The following TNK2 variants were observed in gnomAD, a reference collection of about 807,000 sequenced individuals.
TNK2 encodes the protein activated CDC42 kinase 1.
In TNK2, 83 loss-of-function variants were observed where a neutral mutation model predicts 101.8. The observed-to-expected ratio is 0.82, with a 90% CI of 0.68 to 0.98. The LOEUF (loss-of-function observed/expected upper bound fraction) is 0.98. TNK2 is among the 50% of genes least tolerant of loss of function. The probability of loss-of-function intolerance (pLI) is 0.00; values close to 1 mark genes in which losing one functional copy is unlikely to be tolerated. For synonymous variants in TNK2, 804 were observed against 633.0 expected (o/e 1.27, Z -4.06); for missense variants, 1,665 against 1,483.2 (o/e 1.12, Z -2.01).
intron 2 of TNK2, among the ~76,000 whole-genome samples, chr3:195,887,940 GTGCGTGTGTGCC>G (rs1756762738): frequency 8.2e-6 from 1 of 121,540 alleles, no homozygotes; most frequent in Admixed American, 7.9e-5. Context: ...GTGTGCGCAT[GTGCGTGTGTGCC>G]TGCGTGTGTG....
chr3:195,882,002 A>G lies in TNK2; in HGVS notation c.887+49T>C. ...GGTCCAGAAAGCCCCAGAAGCTTTG[A>G]GGCCTGGGTCTGCAGGGACTCTGTG... On this transcript the variant is annotated intron_variant, in intron 6 of 15. Coordinates refer to ENST00000672887, the MANE Select transcript of TNK2 (RefSeq NM_001382273.1). The surrounding 1 kb of genome is among the most constrained non-coding windows in gnomAD (Gnocchi z 4.2). 4 of 1,568,992 alleles carry G rather than the reference A, an allele frequency of 2.5e-6. No homozygotes were observed. Among genetic ancestry groups the G allele is most frequent in the South Asian group, 2.4e-5 (2 of 84,114 alleles).
intron 2 of TNK2, among the ~76,000 whole-genome samples, chr3:195,887,763 A>G (rs751311276): frequency 2.0e-4 from 28 of 143,494 alleles, no homozygotes; most frequent in Non-Finnish European, 3.3e-4. Flanking sequence ...GCGTGTGCGC[A>G]CGTGTGTGCG....
intron 1 of TNK2, chr3:195,895,517 G>A (rs951032802): frequency 1.4e-5 from 19 of 1,351,604 alleles, no homozygotes; most frequent in Middle Eastern, 2.7e-4. Flanking sequence ...GCCGGCCTGC[G>A]GCCATTCCCT....
chr3:195,866,490 C>T (rs1172085237), intron 15 of TNK2, among the ~76,000 whole-genome samples: 2 of 152,164 alleles, frequency 1.3e-5, no homozygotes, highest in Admixed American at 6.5e-5. Context: ...CCATGAGCCA[C>T]GGTGCCCAGC....
intron 9 of TNK2, among the ~76,000 whole-genome samples, chr3:195,874,532 A>G (rs865867518): frequency 0.011 from 990 of 89,066 alleles, 3 homozygotes; most frequent in Middle Eastern, 0.062. Context: ...GGCACAAGAA[A>G]CTCCCCCTCG....
In TNK2 at chr3:195,885,420, G is replaced by C. The variant is rs779930178; in HGVS notation, c.235-387C>G. On this transcript the variant is annotated intron_variant, in intron 3 of 15. Transcript: ENST00000672887. This position sits in a 1 kb window ranked among gnomAD's most constrained non-coding sequence, Gnocchi z 4.7. ...GCAGACTCCAGCCCTAACCCGCATC[G>C]ATGGAGCCGCAGGGGCCCTCCACAG... 9.4e-5 allele frequency: 125 copies of C among 1,331,188 alleles called. No individual in the cohort carries two copies. The highest frequency in any genetic ancestry group is 1.3e-4 in the Admixed American group (6 of 44,588). 82.5% of individuals were successfully genotyped at this position (1,331,188 alleles called of 1,614,324 possible).
chr3:195,895,979 G>A (rs1760394759), intron 1 of TNK2: 1 of 323,308 alleles, frequency 3.1e-6, no homozygotes, highest in Non-Finnish European at 5.9e-6. Flanking sequence ...CCCCCGCCCC[G>A]AGGCCCCCGC....
chr3:195,876,322 G>A (rs1241693596), intron 9 of TNK2: 5 of 433,104 alleles, frequency 1.2e-5, no homozygotes, highest in East Asian at 7.0e-5. Flanking sequence ...CCCAGACTCC[G>A]CACCAGGAAA....
chr3:195,887,263 C>T (rs1011694343), intron 2 of TNK2, among the ~76,000 whole-genome samples: 4 of 152,214 alleles, frequency 2.6e-5, no homozygotes, highest in Non-Finnish European at 4.4e-5. Context: ...AGGTGTTTAA[C>T]CAAAAACTTG....
intron 10 of TNK2, among the ~76,000 whole-genome samples, chr3:195,871,913 G>A (rs1400368394): frequency 6.6e-6 from 1 of 151,372 alleles, no homozygotes; most frequent in Non-Finnish European, 1.5e-5. Context: ...GCTCCCCGGA[G>A]AACCCTCCCC....
chr3:195,901,173 G>T (rs1761166130), intron 1 of TNK2, among the ~76,000 whole-genome samples: 1 of 152,204 alleles, frequency 6.6e-6, no homozygotes, highest in African/African-American at 2.4e-5. Context: ...ACTGGACCCT[G>T]CTCACCATCT....
In TNK2 at chr3:195,869,626, A is replaced by G. The variant is rs573128095; in HGVS notation, c.1544-85T>C. 3 of 1,302,586 alleles carry G rather than the reference A, an allele frequency of 2.3e-6. No individual in the cohort carries two copies. In the African/African-American group the frequency reaches 4.8e-5, roughly 21 times the overall value. The allele number at this position is 1,302,586 out of a possible 1,614,324, so 80.7% of individuals were successfully genotyped here. ...GGGAGACGGCCGGACGAGAGGGCAG[A>G]GTGTAGAGAGACGAAGGGAGAGAAG... is the stretch of plus-strand genomic sequence containing the variant. On this transcript the variant is annotated intron_variant, in intron 11 of 15. Coordinates refer to ENST00000672887, the MANE Select transcript of TNK2 (RefSeq NM_001382273.1).
rs750659509 is a variant in TNK2, at chr3:195,887,053, G to C, written c.164-6C>G. Reference sequence around the variant, plus strand: ...CTCCCACAGCCGCCGCTGGCCTGCAGGGAGAGCGGGGAACCGCGTGCTGTG... The same window carrying C: ...CTCCCACAGCCGCCGCTGGCCTGCACGGAGAGCGGGGAACCGCGTGCTGTG... On this transcript the variant is annotated splice_region_variant and splice_polypyrimidine_tract_variant and intron_variant, in intron 2 of 15. Coordinates refer to ENST00000672887, the MANE Select transcript of TNK2 (RefSeq NM_001382273.1). The C allele has an allele frequency of 6.2e-7, 1 of 1,613,646 alleles. No individual in the cohort carries two copies. The highest frequency in any genetic ancestry group is 1.7e-5 in the Admixed American group (1 of 59,966).
intron 1 of TNK2, among the ~76,000 whole-genome samples, chr3:195,893,828 G>T (rs1405253379): frequency 6.6e-6 from 1 of 152,180 alleles, no homozygotes; most frequent in African/African-American, 2.4e-5. Flanking sequence ...CAGCTGGGGA[G>T]CAGGGCTTTG....
chr3:195,885,008 G>C lies in TNK2; in HGVS notation c.260C>G (p.Ala87Gly). Residue 87 changes from alanine (A) to glycine (G), a missense_variant, in exon 4 of 16, where the codon GCT becomes GGT. By Grantham distance (60) the Ala-to-Gly change is moderately conservative. Coordinates refer to ENST00000672887, the MANE Select transcript of TNK2 (RefSeq NM_001382273.1). The surrounding 1 kb of genome is among the most constrained non-coding windows in gnomAD (Gnocchi z 4.7). ...CTGAGAGTGATGAGGTGGGAACTCA[G>C]CCTCCAGTCGCTTTCCACTGAACAC... is the stretch of plus-strand genomic sequence containing the variant. ...SKVFSGKRLE[A>G]EFPPHHSQST... 1 of 1,605,516 alleles carries C rather than the reference G, an allele frequency of 6.2e-7. No homozygotes were observed. Among genetic ancestry groups the C allele is most frequent in the Non-Finnish European group, 8.5e-7 (1 of 1,174,654 alleles).
At chr3:195,867,057 C>A in intron 14 of TNK2, 41 bp from the exon 15 acceptor site, 1 of 1,611,180 alleles carries the variant, frequency 6.2e-7, no homozygotes, top group Non-Finnish European at 8.5e-7. Flanking sequence ...GGGCCCAGGG[C>A]ACCGACTAGG....
At chr3:195,906,587 G>A (rs1368941382) in intron 1 of TNK2, among the ~76,000 whole-genome samples, 2 of 152,038 alleles carry the variant, frequency 1.3e-5, no homozygotes, top group Non-Finnish European at 2.9e-5. Context: ...GTAGGGGATG[G>A]CAGAGGAGCG....
chr3:195,896,026 C>T (rs1306138038), intron 1 of TNK2: 4 of 413,906 alleles, frequency 9.7e-6, no homozygotes, highest in South Asian at 4.9e-5. Context: ...CAACGCCGCA[C>T]GCGCTGTGCG....
intron 1 of TNK2, among the ~76,000 whole-genome samples, chr3:195,906,132 G>T (rs1398590130): frequency 6.6e-6 from 1 of 152,170 alleles, no homozygotes; most frequent in African/African-American, 2.4e-5. Flanking sequence ...TACCACTACA[G>T]ACATGAGAGT....
Sources: gnomAD v4.1 joint callset for allele counts (sites outside exome capture counted in the v4.1 genomes callset) on GRCh38, gnomAD v4.1.1 for gene constraint, Gnocchi (gnomAD v3.1) non-coding constraint, MANE v1.5 for transcripts, NCBI Gene and HGNC (gene_info 2026-07-23, HGNC 2026-07-21) for gene names.